The following MGMT variants were observed in gnomAD, a reference collection of about 807,000 sequenced individuals.
MGMT encodes the protein methylated-DNA--protein-cysteine methyltransferase.
Under a neutral mutation model 15.9 loss-of-function variants are expected in MGMT, and 14 were observed. The ratio of observed to expected loss-of-function variants is 0.88; its 90% confidence interval spans 0.58 to 1.37. The LOEUF is 1.37. MGMT is among the 40% of genes most tolerant of loss of function. The pLI, the probability that MGMT is intolerant of heterozygous loss-of-function variation, is 0.00. For missense variants in MGMT, 282 were observed against 268.1 expected, an observed-to-expected ratio of 1.05 and a Z score of -0.36; for synonymous variants, 130 against 118.2, an observed-to-expected ratio of 1.10 and a Z score of -0.65.
chr10:129,621,185 T>G (rs1847086602), intron 2 of MGMT, among the ~76,000 whole-genome samples: 1 of 152,222 alleles, frequency 6.6e-6, no homozygotes, highest in Non-Finnish European at 1.5e-5. Flanking sequence ...GCAGGGTGAC[T>G]GTAGGGTTTC....
intron 2 of MGMT, among the ~76,000 whole-genome samples, chr10:129,591,669 C>A (rs1396828043): frequency 6.6e-6 from 1 of 152,184 alleles, no homozygotes; most frequent in South Asian, 2.1e-4. Flanking sequence ...CGGTGGCTCA[C>A]GCCTGTAATC....
At chr10:129,714,519 A>G (rs1376898807) in intron 3 of MGMT, among the ~76,000 whole-genome samples, 2 of 152,184 alleles carry the variant, frequency 1.3e-5, no homozygotes, top group Non-Finnish European at 1.5e-5. Context: ...AATCCTCTAG[A>G]CATTTCATTT....
intron 2 of MGMT, among the ~76,000 whole-genome samples, chr10:129,604,091 CAGTTTCTAAATCA>C (rs2133063437): frequency 6.6e-6 from 1 of 152,286 alleles, no homozygotes; most frequent in South Asian, 2.1e-4. Context: ...CTACCCCAAG[CAGTTTCTAAATCA>C]ATTTACTGAT....
chr10:129,564,934 T>G (rs1043905458), intron 2 of MGMT, among the ~76,000 whole-genome samples: 1 of 152,056 alleles, frequency 6.6e-6, no homozygotes, highest in Non-Finnish European at 1.5e-5. Flanking sequence ...TCCAGCATGG[T>G]GCTGGCGGAT....
intron 2 of MGMT, among the ~76,000 whole-genome samples, chr10:129,618,255 G>T (rs748743558): frequency 6.6e-6 from 1 of 152,128 alleles, no homozygotes; most frequent in Non-Finnish European, 1.5e-5. Flanking sequence ...AATTTCAGCT[G>T]ATCAAAGTTT....
chr10:129,714,119 C>T (rs1169440767), intron 3 of MGMT, among the ~76,000 whole-genome samples: 1 of 152,224 alleles, frequency 6.6e-6, no homozygotes, highest in Non-Finnish European at 1.5e-5. Context: ...CCGCAGAGCC[C>T]CTAGGCGCCC....
Position 129,766,301 on chromosome 10 carries a change from G to A in MGMT, c.415-487G>A, listed in dbSNP as rs1458628789. ...TTTGCAAAAGCAGGTGGTGGGCTGCGTGCGCCCACAGCCACAGTTGGCCGG... is the reference window on the plus strand; with the variant it reads ...TTTGCAAAAGCAGGTGGTGGGCTGCATGCGCCCACAGCCACAGTTGGCCGG... On this transcript the variant is annotated intron_variant, in intron 4 of 4. Transcript: ENST00000651593. Among the ~76,000 whole-genome samples, 8 of 152,322 alleles carry A rather than the reference G, an allele frequency of 5.3e-5. No individual in the cohort carries two copies. The East Asian group carries it at 1.4e-3, about 26-fold the overall frequency.
At chr10:129,681,668 A>G (rs767065067) in intron 2 of MGMT, among the ~76,000 whole-genome samples, 3 of 152,214 alleles carry the variant, frequency 2.0e-5, no homozygotes, top group Non-Finnish European at 4.4e-5. Context: ...GGATGGAAAT[A>G]TAGTGTTCAC....
chr10:129,751,757 T>C (rs1186839148), intron 3 of MGMT, among the ~76,000 whole-genome samples: 1 of 152,036 alleles, frequency 6.6e-6, no homozygotes, highest in Non-Finnish European at 1.5e-5. Flanking sequence ...TCAGACTTTC[T>C]CTTTGACCTA....
chr10:129,576,124 C>G (rs180933904), intron 2 of MGMT, among the ~76,000 whole-genome samples: 129 of 152,274 alleles, frequency 8.5e-4, no homozygotes, highest in Admixed American at 6.9e-3. Context: ...GAGCTGGTAC[C>G]ATTCCTTCTG....
At chr10:129,469,727 G>A (rs1845209128) in intron 1 of MGMT, among the ~76,000 whole-genome samples, 1 of 152,202 alleles carries the variant, frequency 6.6e-6, no homozygotes. Flanking sequence ...TATTTTTAGA[G>A]ACAAGGTCTT....
In MGMT at chr10:129,661,805, C is replaced by G. The variant is rs189544659; in HGVS notation, c.126-46090C>G. Among the ~76,000 whole-genome samples the G allele has an allele frequency of 4.0e-3, 608 of 152,282 alleles. 5 individuals are homozygous for G. Among genetic ancestry groups the G allele is most frequent in the African/African-American group, 0.014 (576 of 41,554 alleles). ...TTCGAAAAAGGACTATCTTGACTTA[C>G]GGTTTTGTTTTAATATTTTTAATTT... On this transcript the variant is annotated intron_variant, in intron 2 of 4. Transcript: ENST00000651593.
chr10:129,549,872 A>G (rs1038609043), intron 2 of MGMT, among the ~76,000 whole-genome samples: 10 of 152,212 alleles, frequency 6.6e-5, no homozygotes, highest in African/African-American at 1.9e-4. Context: ...TTCTCTTTTT[A>G]AAATCCATTT....
At chr10:129,646,966 G>A (rs1847403832) in intron 2 of MGMT, among the ~76,000 whole-genome samples, 1 of 151,474 alleles carries the variant, frequency 6.6e-6, no homozygotes, top group Admixed American at 6.6e-5. Context: ...TGAACACCTG[G>A]GAGTCTGTGA....
chr10:129,479,423 G>A (rs1845331312), intron 1 of MGMT, among the ~76,000 whole-genome samples: 1 of 151,782 alleles, frequency 6.6e-6, no homozygotes, highest in African/African-American at 2.4e-5. Context: ...AAAATCTAAT[G>A]TATTTTAAAT....
chr10:129,529,448 A>T (rs1370598307), intron 1 of MGMT, among the ~76,000 whole-genome samples: 1 of 151,896 alleles, frequency 6.6e-6, no homozygotes, highest in Non-Finnish European at 1.5e-5. Context: ...TAGGCTTCAC[A>T]CTCCTATGAG....
At chr10:129,565,424 C>T (rs579325) in intron 2 of MGMT, among the ~76,000 whole-genome samples, 61,166 of 152,030 alleles carry the variant, frequency 0.4, 12,985 homozygotes, top group East Asian at 0.61. Flanking sequence ...ACCCCTCAGC[C>T]TCTTTGACGA....
intron 2 of MGMT, among the ~76,000 whole-genome samples, chr10:129,705,075 G>A (rs1452860764): frequency 2.0e-5 from 3 of 152,208 alleles, no homozygotes; most frequent in Non-Finnish European, 4.4e-5. Flanking sequence ...CCTCTCCTTA[G>A]CTTCTCCCTG....
chr10:129,585,776 G>A (rs1175587549), intron 2 of MGMT, among the ~76,000 whole-genome samples: 2 of 152,174 alleles, frequency 1.3e-5, no homozygotes, highest in Non-Finnish European at 1.5e-5. Flanking sequence ...AGGGCCGGCT[G>A]TGCAGTATCT....
Sources: allele counts gnomAD v4.1 joint callset (sites outside exome capture counted in the v4.1 genomes callset), GRCh38; gene constraint gnomAD v4.1.1; transcripts MANE v1.5; gene names NCBI Gene and HGNC (gene_info 2026-07-23, HGNC 2026-07-21).